Variants in EXOSC10 observed in about 807,000 individuals in gnomAD.
EXOSC10 encodes the protein exosome component 10.
In EXOSC10, 94 loss-of-function variants were observed where a neutral mutation model predicts 126.6. The observed-to-expected ratio is 0.74, with a 90% CI of 0.63 to 0.88. The LOEUF is 0.88. EXOSC10 is among the 40% of genes least tolerant of loss of function. The probability of loss-of-function intolerance (pLI) is 0.00; values close to 1 mark genes in which losing one functional copy is unlikely to be tolerated. For missense variants in EXOSC10, 1,041 were observed against 1,100.5 expected, an observed-to-expected ratio of 0.95 and a Z score of 0.77; for synonymous variants, 395 against 400.8, an observed-to-expected ratio of 0.99 and a Z score of 0.17.
intron 19 of EXOSC10, chr1:11,072,405 A>C: frequency 2.2e-6 from 1 of 453,284 alleles, no homozygotes. Context: ...CCATCATCTC[A>C]TTCAATCCCT....
At chr1:11,083,562 C>CAAA (rs35412224) in intron 9 of EXOSC10, among the ~76,000 whole-genome samples, 4 of 65,846 alleles carry the variant, frequency 6.1e-5, no homozygotes, top group African/African-American at 1.3e-4. Context: ...AACTCCGTCT[C>CAAA]AAAAAAAAAA....
chr1:11,089,709 A>AC (rs1248300859), intron 6 of EXOSC10, among the ~76,000 whole-genome samples: 2 of 151,914 alleles, frequency 1.3e-5, no homozygotes, highest in Non-Finnish European at 1.5e-5. Flanking sequence ...TGTAATCCCA[A>AC]CCCCCAACCC....
chr1:11,076,385 C>G (rs1639818390), intron 17 of EXOSC10, among the ~76,000 whole-genome samples: 1 of 152,050 alleles, frequency 6.6e-6, no homozygotes, highest in African/African-American at 2.4e-5. Context: ...ACTGAAAGCA[C>G]ACATATGTGG....
Position 11,080,501 on chromosome 1 carries a change from A to T in EXOSC10, c.1635T>A (p.Pro545=), listed in dbSNP as rs781714873. The change falls in exon 13 of 25, where the codon CCT becomes CCA. Residue 545 remains proline, a splice_region_variant and synonymous_variant. Coordinates refer to ENST00000376936, the MANE Select transcript of EXOSC10 (RefSeq NM_001001998.3). The part of the protein sequence containing the change: ...HMMLKIAEEL[P]KEPQGIIACC... ...TATTAATCAGATTTGAAACTCACTT[A>T]GGCAGTTCTTCAGCTATTTTCAGCA... 15 of 1,612,980 alleles carry T rather than the reference A, an allele frequency of 9.3e-6. No homozygotes were observed.
Position 11,077,393 on chromosome 1 carries a change from C to T in EXOSC10, c.1851G>A (p.Pro617=), listed in dbSNP as rs376796152. 25 of 1,613,122 alleles carry T rather than the reference C, an allele frequency of 1.5e-5. No individual in the cohort carries two copies. The highest frequency in any genetic ancestry group is 5.3e-5 in the African/African-American group (4 of 74,914). ...TGGTTGGGATGATTGGATAGCCATC[C>T]GGAGGGGCATGGGAGCAGTCGTGAG... is the stretch of plus-strand genomic sequence containing the variant. The part of the protein sequence containing the change: ...FGPHDCSHAP[P]DGYPIIPTSG... Residue 617 remains proline (P), a synonymous_variant, in exon 16 of 25, where the codon CCG becomes CCA. Transcript: ENST00000376936.
intron 24 of EXOSC10, 119 bp downstream of exon 24, chr1:11,067,889 G>A: frequency 2.5e-6 from 2 of 803,750 alleles, no homozygotes; most frequent in African/African-American, 1.7e-5. Flanking sequence ...GGTTCTCTGA[G>A]TCATCCTGGT....
At chr1:11,083,749 G>T (rs1236775348) in intron 9 of EXOSC10, among the ~76,000 whole-genome samples, 3 of 152,016 alleles carry the variant, frequency 2.0e-5, no homozygotes, top group Admixed American at 1.3e-4. Context: ...CTAGCATTAG[G>T]TATATCTCCC....
chr1:11,084,263 A>T (rs548413792), intron 9 of EXOSC10, among the ~76,000 whole-genome samples: 8 of 152,236 alleles, frequency 5.3e-5, no homozygotes, highest in Admixed American at 2.0e-4. Context: ...AAGTGTTCCT[A>T]TTTCTCCACA....
Position 11,066,632 on chromosome 1 carries a change from A to G in EXOSC10, c.*86T>C. 6.7e-7 allele frequency: 1 copy of G among 1,485,822 alleles called. No individual in the cohort carries two copies. The highest frequency in any genetic ancestry group is 9.4e-7 in the Non-Finnish European group (1 of 1,064,656). 92.0% of individuals were successfully genotyped at this position (1,485,822 alleles called of 1,614,324 possible). ...CAGGAATCAGCTTTCTTCAGGAAGA[A>G]TTTTAATGGTTTAAAAATATGTATG... On this transcript the variant is annotated 3_prime_UTR_variant, in exon 25 of 25. Transcript: ENST00000376936.
chr1:11,073,851 C>G (rs917460818), intron 19 of EXOSC10, 83 bp downstream of exon 19: 71 of 1,038,234 alleles, frequency 6.8e-5, no homozygotes, highest in Non-Finnish European at 9.4e-5. Flanking sequence ...GCACTCCAGC[C>G]TGGGTGACAA....
intron 3 of EXOSC10, among the ~76,000 whole-genome samples, 188 bp from the exon 4 acceptor site, chr1:11,091,785 G>T (rs1324528898): frequency 6.6e-6 from 1 of 152,130 alleles, no homozygotes; most frequent in Non-Finnish European, 1.5e-5. Flanking sequence ...CTGCCTCCAG[G>T]GTTCAAGCGA....
chr1:11,088,477 G>A lies in EXOSC10; in HGVS notation c.759-279C>T, dbSNP rs966246692. Among the ~76,000 whole-genome samples, 5 of 152,210 alleles carry A rather than the reference G, an allele frequency of 3.3e-5. No homozygotes were observed. The South Asian group carries it at 6.2e-4, about 19-fold the overall frequency. Reference sequence around the variant, plus strand: ...TTTGAGTACTTATTTGCAAAGTACTGTATAGTTGATGTTGTGGATAATACC... The same window carrying A: ...TTTGAGTACTTATTTGCAAAGTACTATATAGTTGATGTTGTGGATAATACC... On this transcript the variant is annotated intron_variant, in intron 6 of 24. Transcript: ENST00000376936.
In EXOSC10 at chr1:11,068,001, C is replaced by CACAT; in HGVS notation, c.2627+3_2627+6dup. 6.2e-7 allele frequency: 1 copy of CACAT among 1,613,918 alleles called. No individual in the cohort carries two copies. Among genetic ancestry groups the CACAT allele is most frequent in the Non-Finnish European group, 8.5e-7 (1 of 1,179,828 alleles). ...CTCCCTGGGCCACACCGCCGTCCACCACATACCTGTCTGACTTTCCAGTTG... is the reference window on the plus strand; with the variant it reads ...CTCCCTGGGCCACACCGCCGTCCACCACATACATACCTGTCTGACTTTCCAGTTG... On this transcript the variant is annotated splice_region_variant and intron_variant, in intron 24 of 24. Coordinates refer to ENST00000376936, the MANE Select transcript of EXOSC10 (RefSeq NM_001001998.3).
At chr1:11,090,817 G>A in intron 5 of EXOSC10, 149 bp from the exon 6 acceptor site, 3 of 818,810 alleles carry the variant, frequency 3.7e-6, no homozygotes, top group East Asian at 2.6e-5. Flanking sequence ...GGTGGCACAA[G>A]CACAGCTCAC....
Position 11,095,115 on chromosome 1 carries a change from G to C in EXOSC10, c.372+643C>G, listed in dbSNP as rs186265630. 3.2e-3 allele frequency among the ~76,000 whole-genome samples: 492 copies of C among 151,842 alleles called. 9 individuals are homozygous for C. The highest frequency in any genetic ancestry group is 0.011 in the African/African-American group (462 of 41,388). On this transcript the variant is annotated intron_variant, in intron 3 of 24. Coordinates refer to ENST00000376936, the MANE Select transcript of EXOSC10 (RefSeq NM_001001998.3). ...TAATCCCAGCTACTCCGGAGGCTGA[G>C]GTAGGAGAATCGCTTGAACCTGGGA... is the stretch of plus-strand genomic sequence containing the variant.
chr1:11,093,764 C>A (rs1640919677), intron 3 of EXOSC10, among the ~76,000 whole-genome samples: 1 of 152,076 alleles, frequency 6.6e-6, no homozygotes, highest in Admixed American at 6.6e-5. Context: ...TTTTGCAACA[C>A]AAATAGAATT....
In EXOSC10 at chr1:11,091,034, G is replaced by A; in HGVS notation, c.623C>T (p.Ala208Val). Residue 208 changes from alanine to valine, a missense_variant, in exon 5 of 25, where the codon GCT (alanine) becomes GTT (valine). Around this residue, in one of 3 missense-constraint regions of EXOSC10, gnomAD observed 645 missense variants for 656.3 expected, o/e 0.98. Coordinates refer to ENST00000376936, the MANE Select transcript of EXOSC10 (RefSeq NM_001001998.3). ...FLPKIFIKPN[A>V]QKPLPQALSK... Reference sequence around the variant, plus strand: ...TTTACCTTGAGGGAGAGGTTTCTGAGCATTGGGTTTGATGAAGATTTTAGG... The same window carrying A: ...TTTACCTTGAGGGAGAGGTTTCTGAACATTGGGTTTGATGAAGATTTTAGG... The A allele has an allele frequency of 1.2e-6, 2 of 1,614,136 alleles. No individual in the cohort carries two copies. The highest frequency in any genetic ancestry group is 1.7e-6 in the Non-Finnish European group (2 of 1,180,012).
At chr1:11,079,661 T>C in intron 14 of EXOSC10, 50 bp downstream of exon 14, 2 of 1,423,316 alleles carry the variant, frequency 1.4e-6, no homozygotes, top group Non-Finnish European at 2.0e-6. Flanking sequence ...CCCAAAGTGC[T>C]GAGATTATAG....
chr1:11,099,272 G>A (rs867481464), intron 1 of EXOSC10, among the ~76,000 whole-genome samples: 5 of 152,208 alleles, frequency 3.3e-5, no homozygotes, highest in African/African-American at 1.2e-4. Context: ...TTTAACTCAG[G>A]GTTAAAAATT....
Sources: allele counts gnomAD v4.1 joint callset (sites outside exome capture counted in the v4.1 genomes callset), GRCh38; gene constraint gnomAD v4.1.1; regional missense constraint gnomAD v4.1.1; transcripts MANE v1.5; gene names NCBI Gene and HGNC (gene_info 2026-07-23, HGNC 2026-07-21).